Variants in RMDN2 observed in about 807,000 individuals in gnomAD.
RMDN2 encodes regulator of microtubule dynamics 2.
In RMDN2, 61 loss-of-function variants were observed where a neutral mutation model predicts 52.8. That is an observed-to-expected ratio of 1.16 (90% CI 0.94 to 1.43). RMDN2 has a LOEUF of 1.43. Among genes scored for constraint, RMDN2 ranks in the 40% most tolerant of loss-of-function variants. The pLI is 0.00. For missense variants in RMDN2, 592 were observed against 475.3 expected (o/e 1.25, Z -2.28); for synonymous variants, 180 against 153.1 (o/e 1.18, Z -1.30).
At chr2:38,065,017 T>C (rs141948465) in intron 10 of RMDN2, among the ~76,000 whole-genome samples, 5 of 152,130 alleles carry the variant, frequency 3.3e-5, no homozygotes, top group Non-Finnish European at 5.9e-5. Flanking sequence ...AAAGTTTACA[T>C]AGGAGGGCAA....
At chr2:38,037,060 G>A (rs1239553392) in intron 10 of RMDN2, among the ~76,000 whole-genome samples, 1 of 152,092 alleles carries the variant, frequency 6.6e-6, no homozygotes, top group Non-Finnish European at 1.5e-5. Context: ...AAGGCAGCGT[G>A]ATATAAAAAA....
intron 10 of RMDN2, among the ~76,000 whole-genome samples, chr2:38,055,012 A>T (rs1021882926): frequency 7.2e-5 from 11 of 152,228 alleles, no homozygotes; most frequent in African/African-American, 2.4e-4. Context: ...TGTCTTATGT[A>T]CCATAAACCA....
chr2:37,994,034 C>A (rs150299091), intron 7 of RMDN2, among the ~76,000 whole-genome samples: 122 of 152,258 alleles, frequency 8.0e-4, no homozygotes, highest in African/African-American at 2.9e-3. Context: ...TGCTAATCCT[C>A]TGTAGAGGAA....
At position 38,023,105 on chromosome 2, in the gene RMDN2, C is replaced by T. The variant is rs1679518056; in HGVS notation, c.1713+18889C>T. Among the ~76,000 whole-genome samples the T allele has an allele frequency of 3.9e-5, 6 of 152,192 alleles. No homozygotes were observed. The South Asian group carries it at 1.2e-3, about 31-fold the overall frequency. ...CCTATATTAACAATTTTAAACCTCA[C>T]AGCAACCTATGAGGAAGAAACATTT... On this transcript the variant is annotated intron_variant, in intron 10 of 10. Transcript: ENST00000234195.
intron 8 of RMDN2, among the ~76,000 whole-genome samples, chr2:38,001,729 G>C (rs550443360): frequency 6.6e-6 from 1 of 152,304 alleles, no homozygotes; most frequent in South Asian, 2.1e-4. Flanking sequence ...TCAGTCTTAA[G>C]TCCCTCTTAT....
rs11891536 is a variant in RMDN2 at position 38,017,681 on chromosome 2, G to A, written c.*442G>A. 0.27 allele frequency: 154,089 copies of A among 564,218 alleles called. 23,134 individuals are homozygous for A. Among genetic ancestry groups the A allele is most frequent in the East Asian group, 0.55 (7,174 of 12,932 alleles). The allele number at this position is 564,218 out of a possible 1,614,324, so 35.0% of individuals were successfully genotyped here. On this transcript the variant is annotated 3_prime_UTR_variant, in exon 11 of 11. Transcript: ENST00000354545. Reference sequence around the variant, plus strand: ...AGAAGAGGAAAAACAAACAAATGTAGTATTGTAACTGGTAATCAAAAGATG... The same window carrying A: ...AGAAGAGGAAAAACAAACAAATGTAATATTGTAACTGGTAATCAAAAGATG...
At chr2:37,969,846 C>G (rs866746876) in intron 2 of RMDN2, among the ~76,000 whole-genome samples, 1 of 151,736 alleles carries the variant, frequency 6.6e-6, no homozygotes, top group African/African-American at 2.4e-5. Context: ...CTCCCTCCCT[C>G]CCTTCCTTCC....
chr2:37,965,710 A>G (rs552498048), intron 2 of RMDN2, among the ~76,000 whole-genome samples: 1 of 152,270 alleles, frequency 6.6e-6, no homozygotes, highest in South Asian at 2.1e-4. Flanking sequence ...ACTACAGAAT[A>G]TTATATTTTT....
intron 2 of RMDN2, chr2:37,952,177 C>G (rs1668912103): frequency 6.2e-7 from 1 of 1,613,046 alleles, no homozygotes; most frequent in South Asian, 1.1e-5. Context: ...GACAGATCTT[C>G]ACCTATTGAA....
chr2:38,011,992 T>G (rs17021835), intron 10 of RMDN2, among the ~76,000 whole-genome samples: 5,436 of 152,244 alleles, frequency 0.036, 321 homozygotes, highest in African/African-American at 0.13. Context: ...ACATGTCACT[T>G]CCCTGCTCAA....
downstream of RMDN2, among the ~76,000 whole-genome samples, chr2:38,022,183 TAAA>T (rs775916265): frequency 4.0e-5 from 6 of 151,742 alleles, no homozygotes; most frequent in East Asian, 5.8e-4. Flanking sequence ...CAAACCAAAA[TAAA>T]GAAGTTATCT....
chr2:37,976,391 T>A (rs777933041), intron 4 of RMDN2: 1 of 152,242 alleles, frequency 6.6e-6, no homozygotes, highest in Non-Finnish European at 1.5e-5. Context: ...CTTCATTTAT[T>A]CCGAAGGCTT....
chr2:37,946,141 G>A (rs530758539), intron 2 of RMDN2, among the ~76,000 whole-genome samples: 4 of 152,216 alleles, frequency 2.6e-5, no homozygotes, highest in East Asian at 3.9e-4. Context: ...AATTAATAGC[G>A]TTATAGAACT....
At chr2:38,010,977 TC>T (rs1677901920) in intron 10 of RMDN2, among the ~76,000 whole-genome samples, 1 of 152,204 alleles carries the variant, frequency 6.6e-6, no homozygotes. Flanking sequence ...AGTTAAAACA[TC>T]CTGATCCTTG....
chr2:37,991,056 T>G (rs564413272), intron 6 of RMDN2, among the ~76,000 whole-genome samples, 164 bp from the exon 7 acceptor site: 1 of 152,356 alleles, frequency 6.6e-6, no homozygotes, highest in East Asian at 1.9e-4. Context: ...AGCAATCATT[T>G]TTGGTAATTT....
intron 10 of RMDN2, among the ~76,000 whole-genome samples, chr2:38,065,480 A>G (rs757236870): frequency 6.6e-6 from 1 of 152,186 alleles, no homozygotes; most frequent in African/African-American, 2.4e-5. Context: ...CTTCTACTGT[A>G]TAACATTGTC....
intron 10 of RMDN2, among the ~76,000 whole-genome samples, chr2:38,042,522 A>T (rs1471572348): frequency 6.7e-6 from 1 of 149,664 alleles, no homozygotes; most frequent in African/African-American, 2.5e-5. Flanking sequence ...TTTCTACTCT[A>T]ATTTTTTTTT....
At chr2:37,988,425 C>G (rs1406342327) in intron 5 of RMDN2, among the ~76,000 whole-genome samples, 1 of 152,082 alleles carries the variant, frequency 6.6e-6, no homozygotes, top group East Asian at 1.9e-4. Flanking sequence ...CTTGCTTTTA[C>G]TATAGCAGAT....
intron 10 of RMDN2, among the ~76,000 whole-genome samples, chr2:38,053,755 T>C (rs1357486108): frequency 6.6e-6 from 1 of 152,200 alleles, no homozygotes; most frequent in Non-Finnish European, 1.5e-5. Flanking sequence ...GGCTGCATAT[T>C]AGCATTTACT....
Sources: allele counts gnomAD v4.1 joint callset (sites outside exome capture counted in the v4.1 genomes callset), GRCh38; gene constraint gnomAD v4.1.1; transcripts MANE v1.5; gene names NCBI Gene and HGNC (gene_info 2026-07-23, HGNC 2026-07-21).